SLC18B1: variants seen among roughly 807,000 people sequenced by gnomAD.
SLC18B1 encodes MFS-type transporter SLC18B1.
A neutral mutation model predicts 53.9 loss-of-function variants in SLC18B1; 62 were observed. That is an observed-to-expected ratio of 1.15 (90% confidence interval 0.94 to 1.42). SLC18B1 has a LOEUF of 1.42. Ranked by LOEUF, SLC18B1 falls within the 40% of genes most tolerant of loss-of-function variation. The pLI, the probability that SLC18B1 is intolerant of heterozygous loss-of-function variation, is 0.00. For missense variants in SLC18B1, 598 were observed against 547.3 expected (o/e 1.09, Z -0.93); for synonymous variants, 217 against 200.9 (o/e 1.08, Z -0.68).
Position 132,779,401 on chromosome 6 carries a change from G to A in SLC18B1, c.662C>T (p.Ser221Phe). Residue 221 changes from serine to phenylalanine, a missense_variant, in exon 7 of 14, where the codon TCT becomes TTT. Physicochemically the swap from Ser to Phe is radical, Grantham distance 155. Transcript: ENST00000275227. Reference protein sequence around the residue: ...LNMYILPNYESDPGEHSFWKL... With the variant: ...LNMYILPNYEFDPGEHSFWKL... ...CCAGAATGAGTGTTCACCTGGATCA[G>A]ACTCTTTAGGGAAAAAATGAAAAAA... is the stretch of plus-strand genomic sequence containing the variant. 1 of 1,589,690 alleles carries A rather than the reference G, an allele frequency of 6.3e-7. No homozygotes were observed. Among genetic ancestry groups the A allele is most frequent in the South Asian group, 1.1e-5 (1 of 88,104 alleles).
intron 5 of SLC18B1, 139 bp from the exon 6 acceptor site, chr6:132,784,228 A>C: frequency 1.9e-6 from 1 of 514,940 alleles, no homozygotes; most frequent in Non-Finnish European, 3.1e-6. Context: ...TTAAATGCAC[A>C]TATTGAAATC....
intron 4 of SLC18B1, among the ~76,000 whole-genome samples, chr6:132,789,204 G>T (rs1029033488): frequency 9.9e-5 from 15 of 152,106 alleles, no homozygotes; most frequent in South Asian, 2.1e-4. Context: ...ATGTGACCTG[G>T]CCTGGCCAAG....
intron 2 of SLC18B1, among the ~76,000 whole-genome samples, chr6:132,791,577 G>A (rs1781525649): frequency 6.6e-6 from 1 of 152,010 alleles, no homozygotes; most frequent in South Asian, 2.1e-4. Flanking sequence ...ATTGTTCTAA[G>A]CTAAATTTTA....
chr6:132,787,620 T>G, intron 4 of SLC18B1, 39 bp from the exon 5 acceptor site: 1 of 1,470,398 alleles, frequency 6.8e-7, no homozygotes, highest in Non-Finnish European at 8.9e-7. Context: ...GCCAAGCTGG[T>G]TTTCTTTTTT....
rs1582864798 is a variant in SLC18B1 at position 132,784,176 on chromosome 6, T to C, written c.502-87A>G. On this transcript the variant is annotated intron_variant, in intron 5 of 13. Coordinates refer to ENST00000275227, the MANE Select transcript of SLC18B1 (RefSeq NM_052831.3). ...TATCTTTAAAAAAATTTCTATCTTC[T>C]TCATAATTTACATACACACACTCCC... 3.5e-6 allele frequency: 4 copies of C among 1,143,250 alleles called. No individual in the cohort carries two copies. In the East Asian group the frequency reaches 1.2e-4, roughly 34 times the overall value. 70.8% of individuals were successfully genotyped at this position (1,143,250 alleles called of 1,614,324 possible).
chr6:132,798,535 C>T lies in SLC18B1; in HGVS notation c.-79G>A, dbSNP rs1582878836. ...GACTCGACCTCCAAGGAGCCACTGGCACTCTGGCGGGCGGCCGCTGCTCAG... is the reference window on the plus strand; with the variant it reads ...GACTCGACCTCCAAGGAGCCACTGGTACTCTGGCGGGCGGCCGCTGCTCAG... On this transcript the variant is annotated 5_prime_UTR_variant, in exon 1 of 14. Transcript: ENST00000275227. 1 of 1,359,950 alleles carries T rather than the reference C, an allele frequency of 7.4e-7. No homozygotes were observed. The highest frequency in any genetic ancestry group is 9.6e-7 in the Non-Finnish European group (1 of 1,041,226). The allele number at this position is 1,359,950 out of a possible 1,614,324, so 84.2% of individuals were successfully genotyped here.
chr6:132,771,032 T>C lies in SLC18B1; in HGVS notation c.1254+4A>G, dbSNP rs757414257. On this transcript the variant is annotated splice_donor_region_variant and intron_variant, in intron 12 of 13. Transcript: ENST00000275227. ...AAAATGCAAATAAAAGACTGATTAC[T>C]CACACTTATCAGAGCCCATAGACCT... 2 of 1,612,038 alleles carry C rather than the reference T, an allele frequency of 1.2e-6. No homozygotes were observed. The highest frequency in any genetic ancestry group is 3.4e-5 in the Admixed American group (2 of 59,400).
intron 7 of SLC18B1, among the ~76,000 whole-genome samples, chr6:132,778,239 A>G (rs1781146195): frequency 6.6e-6 from 1 of 152,166 alleles, no homozygotes; most frequent in Non-Finnish European, 1.5e-5. Flanking sequence ...CAGTTGCTCC[A>G]GGTCATCTGG....
chr6:132,787,591 A>C lies in SLC18B1; in HGVS notation c.354-10T>G. Reference sequence around the variant, plus strand: ...AACTCGGTCCAATACACTAAAAAGGAATAAGACAATTCTGAAATGCCAAGC... The same window carrying C: ...AACTCGGTCCAATACACTAAAAAGGCATAAGACAATTCTGAAATGCCAAGC... On this transcript the variant is annotated splice_polypyrimidine_tract_variant and intron_variant, in intron 4 of 13. Transcript: ENST00000275227. 2 of 1,534,756 alleles carry C rather than the reference A, an allele frequency of 1.3e-6. No homozygotes were observed. Among genetic ancestry groups the C allele is most frequent in the South Asian group, 1.3e-5 (1 of 78,314 alleles).
At chr6:132,793,904 A>G (rs1781607682) in intron 2 of SLC18B1, among the ~76,000 whole-genome samples, 1 of 152,106 alleles carries the variant, frequency 6.6e-6, no homozygotes, top group Admixed American at 6.6e-5. Flanking sequence ...ATCATTTCCT[A>G]TAAGCACAAA....
At chr6:132,789,157 TG>T (rs1781461897) in intron 4 of SLC18B1, among the ~76,000 whole-genome samples, 1 of 152,154 alleles carries the variant, frequency 6.6e-6, no homozygotes, top group Admixed American at 6.5e-5. Flanking sequence ...GAAGTAGCAA[TG>T]GGGGAAACCA....
intron 7 of SLC18B1, among the ~76,000 whole-genome samples, chr6:132,778,931 C>A (rs944118138): frequency 2.0e-5 from 3 of 152,092 alleles, no homozygotes; most frequent in African/African-American, 7.2e-5. Flanking sequence ...TACTGTGTAC[C>A]CCTAATGTCT....
At chr6:132,780,571 T>A (rs943399381) in intron 6 of SLC18B1, among the ~76,000 whole-genome samples, 1 of 144,896 alleles carries the variant, frequency 6.9e-6, no homozygotes, top group Non-Finnish European at 1.5e-5. Flanking sequence ...GTTAGTTTTT[T>A]TTTTTTTTTT....
chr6:132,779,478 A>G (rs1284875584), intron 6 of SLC18B1, 74 bp from the exon 7 acceptor site: 1 of 1,477,796 alleles, frequency 6.8e-7, no homozygotes, highest in African/African-American at 1.4e-5. Context: ...TATTTGGAAA[A>G]CTGGTAACAC....
At chr6:132,796,354 CAAAAAAA>C (rs780737208) in intron 2 of SLC18B1, among the ~76,000 whole-genome samples, 5 of 44,704 alleles carry the variant, frequency 1.1e-4, no homozygotes, top group Admixed American at 2.6e-4. Flanking sequence ...GACTCCATCT[CAAAAAAA>C]AAAAAAAAAA....
chr6:132,798,538 T>A lies in SLC18B1; in HGVS notation c.-82A>T, dbSNP rs1781758740. 2.2e-6 allele frequency: 3 copies of A among 1,349,578 alleles called. No individual in the cohort carries two copies. Among genetic ancestry groups the A allele is most frequent in the African/African-American group, 3.0e-5 (2 of 66,268 alleles). The allele number at this position is 1,349,578 out of a possible 1,614,324, so 83.6% of individuals were successfully genotyped here. ...TCGACCTCCAAGGAGCCACTGGCACTCTGGCGGGCGGCCGCTGCTCAGCTG... is the reference window on the plus strand; with the variant it reads ...TCGACCTCCAAGGAGCCACTGGCACACTGGCGGGCGGCCGCTGCTCAGCTG... On this transcript the variant is annotated 5_prime_UTR_variant, in exon 1 of 14. Coordinates refer to ENST00000275227, the MANE Select transcript of SLC18B1 (RefSeq NM_052831.3).
At chr6:132,774,656 C>A (rs530673831) in intron 8 of SLC18B1, among the ~76,000 whole-genome samples, 1 of 152,222 alleles carries the variant, frequency 6.6e-6, no homozygotes, top group Admixed American at 6.5e-5. Flanking sequence ...CACCTATAAT[C>A]CCAAAACTTT....
chr6:132,770,298 C>T lies in SLC18B1; in HGVS notation c.1343G>A (p.Arg448Gln), dbSNP rs149671096. 1.2e-5 allele frequency: 20 copies of T among 1,613,754 alleles called. No individual in the cohort carries two copies. The highest frequency in any genetic ancestry group is 2.2e-5 in the East Asian group (1 of 44,878). Residue 448 changes from arginine (R) to glutamine (Q), a missense_variant, in exon 14 of 14, where the codon CGA becomes CAA. Transcript: ENST00000275227. ...GGTTTCATTAGGCAAGAGAGTAGTT[C>T]GTTCCTCCTCTGTGCTGAGGATGTT... ...SQNILSTEEERTTLLPNET is the reference protein window; with the variant it reads ...SQNILSTEEEQTTLLPNET
chr6:132,781,443 G>T (rs1030620556), intron 6 of SLC18B1, among the ~76,000 whole-genome samples: 3 of 151,944 alleles, frequency 2.0e-5, no homozygotes, highest in African/African-American at 7.2e-5. Flanking sequence ...CTAGTCCAGT[G>T]ATCGAGAAGG....
Sources: gnomAD v4.1 joint callset for allele counts (sites outside exome capture counted in the v4.1 genomes callset) on GRCh38, gnomAD v4.1.1 for gene constraint, MANE v1.5 for transcripts, NCBI Gene and HGNC (gene_info 2026-07-23, HGNC 2026-07-21) for gene names.